POC1A: variants seen among roughly 807,000 people sequenced by gnomAD.
The protein encoded by POC1A is POC1 centriolar protein A.
A neutral mutation model predicts 47.8 loss-of-function variants in POC1A; 34 were observed. The ratio of observed to expected loss-of-function variants is 0.71; its 90% CI spans 0.54 to 0.95. The LOEUF is 0.95. Among genes scored for constraint, POC1A ranks in the 40% least tolerant of loss-of-function variants. The pLI, the probability that POC1A is intolerant of heterozygous loss-of-function variation, is 0.00. For synonymous variants in POC1A, 177 were observed against 207.6 expected (o/e 0.85, Z 1.27); for missense variants, 466 against 528.3 (o/e 0.88, Z 1.16).
At chr3:52,104,573 T>C (rs1703109442) in intron 9 of POC1A, among the ~76,000 whole-genome samples, 1 of 152,242 alleles carries the variant, frequency 6.6e-6, no homozygotes, top group African/African-American at 2.4e-5. Flanking sequence ...ACACCGTCCA[T>C]CACTGCCACT....
chr3:52,127,239 T>C (rs1051171291), intron 7 of POC1A, among the ~76,000 whole-genome samples: 14 of 152,204 alleles, frequency 9.2e-5, no homozygotes, highest in Non-Finnish European at 1.9e-4. Flanking sequence ...CCCCTGCTCA[T>C]GCAGGGCCTG....
chr3:52,077,566 G>A (rs1702157137), intron 10 of POC1A, among the ~76,000 whole-genome samples: 1 of 152,216 alleles, frequency 6.6e-6, no homozygotes, highest in South Asian at 2.1e-4. Context: ...GAGCTGAGCT[G>A]AAAGAGACCA....
chr3:52,081,855 G>A (rs1702305837), intron 10 of POC1A, among the ~76,000 whole-genome samples: 1 of 152,074 alleles, frequency 6.6e-6, no homozygotes, highest in Non-Finnish European at 1.5e-5. Context: ...TTGGACTGGG[G>A]GCAGGAGAAG....
At chr3:52,150,425 G>A (rs956706472) in intron 2 of POC1A, among the ~76,000 whole-genome samples, 2 of 152,178 alleles carry the variant, frequency 1.3e-5, no homozygotes, top group African/African-American at 4.8e-5. Context: ...AATCACTTCA[G>A]TTCCCTCTTA....
At chr3:52,078,934 C>A (rs1405511246) in intron 10 of POC1A, among the ~76,000 whole-genome samples, 2 of 152,216 alleles carry the variant, frequency 1.3e-5, no homozygotes, top group Non-Finnish European at 2.9e-5. Context: ...GTGGCACACA[C>A]AGGCAGGAGG....
At chr3:52,138,069 G>T (rs1223890481) in intron 7 of POC1A, 100 bp downstream of exon 7, 3 of 1,297,594 alleles carry the variant, frequency 2.3e-6, no homozygotes, top group Non-Finnish European at 3.3e-6. Context: ...CTCCCTGCAG[G>T]CTGTGTGGGT....
chr3:52,131,649 G>C (rs540152313), intron 7 of POC1A, among the ~76,000 whole-genome samples: 2 of 152,154 alleles, frequency 1.3e-5, no homozygotes, highest in Non-Finnish European at 2.9e-5. Context: ...CAAGGCACCC[G>C]GCAAAGCAAA....
intron 6 of POC1A, among the ~76,000 whole-genome samples, chr3:52,140,831 G>A (rs945345612): frequency 6.7e-6 from 1 of 149,520 alleles, no homozygotes; most frequent in Non-Finnish European, 1.5e-5. Flanking sequence ...AGTCTATGGA[G>A]GCCTCATCGT....
At chr3:52,128,339 G>A (rs1413664236) in intron 7 of POC1A, among the ~76,000 whole-genome samples, 1 of 152,220 alleles carries the variant, frequency 6.6e-6, no homozygotes, top group South Asian at 2.1e-4. Flanking sequence ...GCAGGGGTCA[G>A]GACCAGAGCG....
chr3:52,153,624 TC>T (rs554905549), intron 1 of POC1A, among the ~76,000 whole-genome samples: 124 of 152,338 alleles, frequency 8.1e-4, no homozygotes, highest in Admixed American at 3.1e-3. Flanking sequence ...GACCAGTAGG[TC>T]CCATGGTATC....
rs974356755 is a variant in POC1A, at chr3:52,108,305, CTG to C, written c.982-11595_982-11594del. Among the ~76,000 whole-genome samples, 51 of 152,316 alleles carry C rather than the reference CTG, an allele frequency of 3.3e-4. 1 individual carries two copies. Among genetic ancestry groups the C allele is most frequent in the African/African-American group, 1.1e-3 (46 of 41,546 alleles). ...GAATGTGTTGCTGTCATTACAAACT[CTG>C]TGTGTCAGCTCCACTTGCAGCTGCC... On this transcript the variant is annotated intron_variant, in intron 9 of 10. Coordinates refer to ENST00000296484, the MANE Select transcript of POC1A (RefSeq NM_015426.5).
At chr3:52,081,831 G>A (rs1702305038) in intron 10 of POC1A, among the ~76,000 whole-genome samples, 1 of 152,124 alleles carries the variant, frequency 6.6e-6, no homozygotes, top group Non-Finnish European at 1.5e-5. Context: ...AGAACGAGAG[G>A]GGATGACAGT....
intron 7 of POC1A, among the ~76,000 whole-genome samples, chr3:52,136,640 T>A (rs1365842172): frequency 6.6e-6 from 1 of 152,176 alleles, no homozygotes; most frequent in Non-Finnish European, 1.5e-5. Flanking sequence ...CCCAGCCCTA[T>A]CCACACCCCA....
At chr3:52,095,785 G>A (rs1329060625) in intron 10 of POC1A, among the ~76,000 whole-genome samples, 1 of 152,224 alleles carries the variant, frequency 6.6e-6, no homozygotes, top group African/African-American at 2.4e-5. Context: ...AGAGCCACAG[G>A]CAGCCAGGAC....
At chr3:52,125,030 C>A in intron 8 of POC1A, 83 bp downstream of exon 8, 6 of 1,074,864 alleles carry the variant, frequency 5.6e-6, no homozygotes, top group Non-Finnish European at 5.5e-6. Context: ...CCCAGCCCAT[C>A]CCCCAAACAC....
chr3:52,104,361 T>C (rs9868101), intron 9 of POC1A, among the ~76,000 whole-genome samples: 20,620 of 152,144 alleles, frequency 0.14, 2,144 homozygotes, highest in African/African-American at 0.28. Flanking sequence ...AAGAGAACAT[T>C]TTGGGATGAT....
intron 9 of POC1A, among the ~76,000 whole-genome samples, chr3:52,114,503 G>A (rs2107057206): frequency 6.6e-6 from 1 of 152,296 alleles, no homozygotes; most frequent in South Asian, 2.1e-4. Flanking sequence ...GGAAGGCACG[G>A]TTATCTGTCC....
At chr3:52,076,938 C>CCCT (rs532908524) in intron 10 of POC1A, among the ~76,000 whole-genome samples, 57 of 152,396 alleles carry the variant, frequency 3.7e-4, no homozygotes, top group Non-Finnish European at 6.9e-4. Context: ...GGAAAAGCTG[C>CCCT]CCTCCTCCTC....
intron 9 of POC1A, among the ~76,000 whole-genome samples, chr3:52,101,443 C>T (rs1649149406): frequency 6.6e-6 from 1 of 152,072 alleles, no homozygotes; most frequent in Admixed American, 6.5e-5. Context: ...TAGAAGCAGA[C>T]TCAGATGACC....
Sources: allele counts gnomAD v4.1 joint callset (sites outside exome capture counted in the v4.1 genomes callset), GRCh38; gene constraint gnomAD v4.1.1; transcripts MANE v1.5; gene names NCBI Gene and HGNC (gene_info 2026-07-23, HGNC 2026-07-21).